The following MCM6 variants were observed in gnomAD, a reference collection of about 807,000 sequenced individuals.
The protein encoded by MCM6 is DNA replication licensing factor MCM6.
MCM6 carries 46 observed loss-of-function variants against 94.3 expected under a neutral mutation model. The ratio of observed to expected loss-of-function variants is 0.49; its 90% CI spans 0.39 to 0.62. The LOEUF (loss-of-function observed/expected upper bound fraction) is 0.62. Ranked by LOEUF, MCM6 falls within the 20% of genes least tolerant of loss-of-function variation. MCM6 has a pLI of 0.00. For synonymous variants in MCM6, 335 were observed against 351.9 expected (o/e 0.95, Z 0.54); for missense variants, 865 against 1,017.9 (o/e 0.85, Z 2.04).
At chr2:135,855,433 A>C (rs971707583) in intron 11 of MCM6, among the ~76,000 whole-genome samples, 5 of 152,202 alleles carry the variant, frequency 3.3e-5, no homozygotes, top group African/African-American at 1.2e-4. Flanking sequence ...CAGGAGGCTG[A>C]GGTGGTAAGG....
chr2:135,868,386 T>G (rs1341260167), intron 4 of MCM6, among the ~76,000 whole-genome samples: 1 of 152,248 alleles, frequency 6.6e-6, no homozygotes, highest in Admixed American at 6.5e-5. Flanking sequence ...AAATACATCT[T>G]GTCAGTCTTA....
chr2:135,847,235 G>A lies in MCM6; in HGVS notation c.2053+818C>T, dbSNP rs76304929. Among the ~76,000 whole-genome samples, 1,190 of 152,120 alleles carry A rather than the reference G, an allele frequency of 7.8e-3. 26 individuals carry two copies. Among genetic ancestry groups the A allele is most frequent in the East Asian group, 0.057 (292 of 5,152 alleles). ...ATTCTACCAGTCTGGGCAATATGGC[G>A]AGATCCTGTCTCTAGAAAAAATTCT... On this transcript the variant is annotated intron_variant, in intron 14 of 16. Coordinates refer to ENST00000264156, the MANE Select transcript of MCM6 (RefSeq NM_005915.6).
chr2:135,851,656 T>A (rs951582345), intron 12 of MCM6, 93 bp from the exon 13 acceptor site: 2 of 1,112,996 alleles, frequency 1.8e-6, no homozygotes, highest in Non-Finnish European at 1.2e-6. Context: ...GTGGAAACAT[T>A]TAGGGAACCT....
In MCM6 at chr2:135,846,370, A is replaced by T. The variant is rs779272440; in HGVS notation, c.2076T>A (p.Pro692=). 1 of 1,614,192 alleles carries T rather than the reference A, an allele frequency of 6.2e-7. No homozygotes were observed. The highest frequency in any genetic ancestry group is 2.2e-5 in the East Asian group (1 of 44,886). ...GINGHADSPA[P]VNGINGYNED... The stretch of plus-strand genomic sequence containing the variant: ...CATTGTAGCCATTGATCCCGTTCAC[A>T]GGAGCAGGGCTGTCAGCATGACCTA... Residue 692 remains proline (P), a synonymous_variant, in exon 15 of 17, where the codon CCT becomes CCA. Coordinates refer to ENST00000264156, the MANE Select transcript of MCM6 (RefSeq NM_005915.6).
At position 135,856,877 on chromosome 2, in the gene MCM6, G is replaced by A. The variant is rs761800905; in HGVS notation, c.1477C>T (p.Leu493=). Residue 493 remains leucine, a synonymous_variant, in exon 11 of 17, where the codon CTG becomes TTG. Transcript: ENST00000264156. ...GCCAAAATGGACGTCCGGGCGTTCA[G>A]AGTAGCCTGACCACAAAAGAAAGAA... is the stretch of plus-strand genomic sequence containing the variant. ...SITKAGVKAT[L]NARTSILAAA... is the part of the protein sequence containing the mutation. 4 of 1,612,044 alleles carry A rather than the reference G, an allele frequency of 2.5e-6. No homozygotes were observed. The South Asian group carries it at 4.4e-5, about 18-fold the overall frequency.
intron 4 of MCM6, 124 bp downstream of exon 4, chr2:135,868,476 CTTTGTAGTCAT>C: frequency 1.1e-6 from 1 of 873,950 alleles, no homozygotes; most frequent in East Asian, 2.6e-5. Context: ...TTGGGCTTAA[CTTTGTAGTCAT>C]TTTGATGATG....
chr2:135,874,280 A>G lies in MCM6; in HGVS notation c.108-1437T>C, dbSNP rs896891007. The stretch of plus-strand genomic sequence containing the variant: ...ATTCCAGACTAAGTAGCTAGGAGGT[A>G]AATGTGTTACACTGCCAGAGATAAT... On this transcript the variant is annotated intron_variant, in intron 1 of 16. Transcript: ENST00000264156. 5.3e-5 allele frequency among the ~76,000 whole-genome samples: 8 copies of G among 152,370 alleles called. No individual in the cohort carries two copies. The South Asian group carries it at 6.2e-4, about 12-fold the overall frequency.
chr2:135,850,990 C>T (rs1181591161), intron 13 of MCM6, among the ~76,000 whole-genome samples: 4 of 152,170 alleles, frequency 2.6e-5, no homozygotes, highest in African/African-American at 4.8e-5. Context: ...GACCTATCCT[C>T]GTGGAATGCA....
At chr2:135,873,860 T>G (rs1048604830) in intron 1 of MCM6, among the ~76,000 whole-genome samples, 1 of 152,152 alleles carries the variant, frequency 6.6e-6, no homozygotes, top group African/African-American at 2.4e-5. Flanking sequence ...AAGTTATACA[T>G]ATAAAAGGTG....
intron 1 of MCM6, among the ~76,000 whole-genome samples, chr2:135,873,432 G>A (rs1680240583): frequency 6.6e-6 from 1 of 152,156 alleles, no homozygotes; most frequent in African/African-American, 2.4e-5. Context: ...AGAATACATG[G>A]AAATGAGGTG....
Position 135,846,205 on chromosome 2 carries a change from C to CAT in MCM6, c.2209+31_2209+32insAT, listed in dbSNP as rs1679667829. 4 of 1,609,098 alleles carry CAT rather than the reference C, an allele frequency of 2.5e-6. No homozygotes were observed. The African/African-American group carries it at 4.0e-5, about 16-fold the overall frequency. ...TGTGAACAGAGCTTACAGAAGTGAC[C>CAT]GAGCATGTAAGCAGTACCAGGTAAG... On this transcript the variant is annotated intron_variant, in intron 15 of 16. Coordinates refer to ENST00000264156, the MANE Select transcript of MCM6 (RefSeq NM_005915.6).
chr2:135,857,630 T>C (rs1558758784), intron 10 of MCM6, among the ~76,000 whole-genome samples: 1 of 152,208 alleles, frequency 6.6e-6, no homozygotes, highest in Admixed American at 6.5e-5. Flanking sequence ...TCTTTGGTTA[T>C]TTTTGTTATA....
At chr2:135,856,271 T>C (rs929493086) in intron 11 of MCM6, among the ~76,000 whole-genome samples, 2 of 152,092 alleles carry the variant, frequency 1.3e-5, no homozygotes, top group Admixed American at 1.3e-4. Flanking sequence ...GGTGAGACCC[T>C]GTCTGTACTA....
At chr2:135,862,847 CAG>C (rs1680023270) in intron 7 of MCM6, 99 bp from the exon 8 acceptor site, 1 of 1,284,694 alleles carries the variant, frequency 7.8e-7, no homozygotes, top group African/African-American at 1.5e-5. Flanking sequence ...AACCGAAAGG[CAG>C]AGTCAGCTAA....
Position 135,840,103 on chromosome 2 carries a change from G to A in MCM6, c.*732C>T, listed in dbSNP as rs944136487. On this transcript the variant is annotated 3_prime_UTR_variant, in exon 17 of 17. Transcript: ENST00000264156. ...GGGGATTGCTTGTAATATAGCAAAT[G>A]ACCTATTTCCCCTAAAAAAGCAATT... The A allele has an allele frequency of 2.6e-5, 4 of 151,574 alleles. No homozygotes were observed. The highest frequency in any genetic ancestry group is 5.9e-5 in the Non-Finnish European group (4 of 67,986). 9.4% of individuals were successfully genotyped at this position (151,574 alleles called of 1,614,324 possible). A position where few individuals can be genotyped will look rare whatever the true frequency, so the allele number is the denominator to read the frequency against.
chr2:135,859,922 G>C (rs575216647), intron 8 of MCM6, among the ~76,000 whole-genome samples: 1 of 152,108 alleles, frequency 6.6e-6, no homozygotes, highest in South Asian at 2.1e-4. Flanking sequence ...TCCTGCCTCA[G>C]CCTCCCGAGT....
At chr2:135,860,456 T>G (rs982162120) in intron 8 of MCM6, among the ~76,000 whole-genome samples, 1 of 152,164 alleles carries the variant, frequency 6.6e-6, no homozygotes, top group African/African-American at 2.4e-5. Flanking sequence ...TTAAAAGAAG[T>G]CTTTAATAGT....
At position 135,840,958 on chromosome 2, in the gene MCM6, A is replaced by C; in HGVS notation, c.2350-7T>G. On this transcript the variant is annotated splice_polypyrimidine_tract_variant and splice_region_variant and intron_variant, in intron 16 of 16. Coordinates refer to ENST00000264156, the MANE Select transcript of MCM6 (RefSeq NM_005915.6). Reference sequence around the variant, plus strand: ...GCTCAATTAGAACATGATCCTGTGAAACACAAATATTTGTCCTCAGGTTTC... The same window carrying C: ...GCTCAATTAGAACATGATCCTGTGACACACAAATATTTGTCCTCAGGTTTC... 1 of 1,599,598 alleles carries C rather than the reference A, an allele frequency of 6.3e-7. No homozygotes were observed. Among genetic ancestry groups the C allele is most frequent in the Non-Finnish European group, 8.6e-7 (1 of 1,166,898 alleles).
chr2:135,872,898 G>T, intron 1 of MCM6, 55 bp from the exon 2 acceptor site: 1 of 1,588,584 alleles, frequency 6.3e-7, no homozygotes, highest in South Asian at 1.1e-5. Flanking sequence ...CAAAGAACCT[G>T]AATGATAATT....
Sources: allele counts gnomAD v4.1 joint callset (sites outside exome capture counted in the v4.1 genomes callset), GRCh38; gene constraint gnomAD v4.1.1; transcripts MANE v1.5; gene names NCBI Gene and HGNC (gene_info 2026-07-23, HGNC 2026-07-21).